The following RBFOX3 variants were observed in gnomAD, a reference collection of about 807,000 sequenced individuals.
RBFOX3 encodes RNA binding protein fox-1 homolog 3.
A neutral mutation model predicts 48.7 loss-of-function variants in RBFOX3; 17 were observed. The ratio of observed to expected loss-of-function variants is 0.35; its 90% CI spans 0.24 to 0.52. RBFOX3 has a LOEUF of 0.52. RBFOX3 is among the 20% of genes least tolerant of loss of function. The probability of loss-of-function intolerance (pLI) is 0.94; values close to 1 mark genes in which losing one functional copy is unlikely to be tolerated. For synonymous variants in RBFOX3, 212 were observed against 209.5 expected (o/e 1.01, Z -0.10); for missense variants, 382 against 497.5 (o/e 0.77, Z 2.21).
chr17:79,359,093 T>C (rs2147223730), intron 2 of RBFOX3, among the ~76,000 whole-genome samples: 1 of 152,276 alleles, frequency 6.6e-6, no homozygotes, highest in East Asian at 1.9e-4. Flanking sequence ...CCTGTAATCC[T>C]CTCTACAACT....
intron 3 of RBFOX3, among the ~76,000 whole-genome samples, chr17:79,271,704 C>T (rs1257312738): frequency 6.6e-6 from 1 of 152,162 alleles, no homozygotes; most frequent in African/African-American, 2.4e-5. Flanking sequence ...GGCAAATCAC[C>T]AGACTTCTCT....
At chr17:79,534,276 C>T (rs1422133430) in intron 1 of RBFOX3, among the ~76,000 whole-genome samples, 2 of 152,214 alleles carry the variant, frequency 1.3e-5, no homozygotes, top group African/African-American at 2.4e-5. Flanking sequence ...CCGGCATCAC[C>T]GTTCAGAAGG....
chr17:79,601,418 G>A (rs1352781230), intron 1 of RBFOX3: 1 of 152,268 alleles, frequency 6.6e-6, no homozygotes, highest in Non-Finnish European at 1.5e-5. Flanking sequence ...GGTCCAGGAG[G>A]TTTAGCCACA....
At chr17:79,548,166 C>T (rs1036778353) in intron 1 of RBFOX3, among the ~76,000 whole-genome samples, 25 of 152,208 alleles carry the variant, frequency 1.6e-4, no homozygotes, top group Non-Finnish European at 3.4e-4. Flanking sequence ...AAAGAAAGGG[C>T]GGCAGGTAGG....
intron 1 of RBFOX3, among the ~76,000 whole-genome samples, chr17:79,521,919 G>A (rs2086166042): frequency 3.3e-5 from 5 of 152,222 alleles, no homozygotes; most frequent in Non-Finnish European, 7.3e-5. Flanking sequence ...CAGTGAAGTG[G>A]ACATGGGAGT....
At chr17:79,556,538 A>T (rs1023958284) in intron 1 of RBFOX3, among the ~76,000 whole-genome samples, 437 of 152,274 alleles carry the variant, frequency 2.9e-3, no homozygotes, top group Middle Eastern at 6.8e-3. Flanking sequence ...CGACAGGAGG[A>T]GGAGCTGTAA....
intron 3 of RBFOX3, among the ~76,000 whole-genome samples, chr17:79,285,414 T>G (rs1322041374): frequency 6.6e-6 from 1 of 152,226 alleles, no homozygotes; most frequent in African/African-American, 2.4e-5. Context: ...TCCTGCTCAT[T>G]TACGTGATAC....
intron 1 of RBFOX3, among the ~76,000 whole-genome samples, chr17:79,553,157 T>A (rs1340356505): frequency 6.6e-6 from 1 of 152,188 alleles, no homozygotes; most frequent in Non-Finnish European, 1.5e-5. Flanking sequence ...AAGTATCAAT[T>A]TATGTTTTGC....
chr17:79,640,311 A>C, the RBFOX3 span, among the ~76,000 whole-genome samples: 1 of 152,206 alleles, frequency 6.6e-6, no homozygotes, highest in Non-Finnish European at 1.5e-5. Context: ...AAGAAAATAG[A>C]CATAAATGAA....
chr17:79,427,847 T>C, intron 2 of RBFOX3, among the ~76,000 whole-genome samples: 1 of 152,254 alleles, frequency 6.6e-6, no homozygotes, highest in Admixed American at 6.5e-5. Flanking sequence ...CATGCACATA[T>C]GCACACATGA....
At chr17:79,200,036 G>A (rs912526346) in intron 4 of RBFOX3, among the ~76,000 whole-genome samples, 3 of 152,110 alleles carry the variant, frequency 2.0e-5, no homozygotes, top group African/African-American at 7.2e-5. Flanking sequence ...GGTGGCACAT[G>A]CCTGTAATCC....
chr17:79,651,813 CTCTG>C, the RBFOX3 span, among the ~76,000 whole-genome samples: 3 of 139,734 alleles, frequency 2.1e-5, no homozygotes, highest in African/African-American at 7.9e-5. Flanking sequence ...CTGTCTTTCT[CTCTG>C]TCTTCTTCCT....
At chr17:79,288,479 C>T (rs71387909) in intron 3 of RBFOX3, among the ~76,000 whole-genome samples, 15 of 150,840 alleles carry the variant, frequency 9.9e-5, no homozygotes, top group South Asian at 2.1e-4. Context: ...TCTCTGCAGC[C>T]CCCCCCAGCC....
intron 1 of RBFOX3, among the ~76,000 whole-genome samples, chr17:79,567,523 A>T (rs1346838689): frequency 6.6e-6 from 1 of 152,122 alleles, no homozygotes; most frequent in Non-Finnish European, 1.5e-5. Flanking sequence ...TTCATTTAAC[A>T]TGACGTCCTC....
In RBFOX3 at chr17:79,482,983, C is replaced by G. The variant is rs1009717263; in HGVS notation, c.-319-385G>C. 6.6e-3 allele frequency among the ~76,000 whole-genome samples: 1,006 copies of G among 152,038 alleles called. 2 individuals carry two copies. The highest frequency in any genetic ancestry group is 0.023 in the African/African-American group (949 of 41,414). ...CCGCCCGCTCTTGCTTCCTCCCCCA[C>G]CCAGCCTAGATTCCAGGACCCACCA... is the stretch of plus-strand genomic sequence containing the variant. On this transcript the variant is annotated intron_variant, in intron 1 of 14. Transcript: ENST00000693108. This position sits in a 1 kb window ranked among gnomAD's most constrained non-coding sequence, Gnocchi z 4.1.
Position 79,450,026 on chromosome 17 carries a change from G to GTCTGT in RBFOX3, c.-175+32423_-175+32427dup, listed in dbSNP as rs1192418981. On this transcript the variant is annotated intron_variant, in intron 2 of 14. Transcript: ENST00000693108. ...AAAAAGCCCAAAATGCAACTAATGGGTCTGTGTGAAGAGGCAGAAAGAGAG... is the reference window on the plus strand; with the variant it reads ...AAAAAGCCCAAAATGCAACTAATGGGTCTGTTCTGTGTGAAGAGGCAGAAAGAGAG... Among the ~76,000 whole-genome samples, 3 of 152,162 alleles carry GTCTGT rather than the reference G, an allele frequency of 2.0e-5. 1 individual carries two copies. Among genetic ancestry groups the GTCTGT allele is most frequent in the Non-Finnish European group, 1.5e-5 (1 of 68,040 alleles).
chr17:79,103,289 G>T lies in RBFOX3; in HGVS notation c.415-35C>A. The stretch of plus-strand genomic sequence containing the variant: ...GAGGAGAGGGAAGGACAGGCACGGA[G>T]AGGAGGACACAGGGCGAGAAAGAGG... On this transcript the variant is annotated intron_variant, in intron 7 of 14. Coordinates refer to ENST00000693108, the MANE Select transcript of RBFOX3 (RefSeq NM_001350451.2). This position sits in a 1 kb window ranked among gnomAD's most constrained non-coding sequence, Gnocchi z 6.1. 1 of 1,444,234 alleles carries T rather than the reference G, an allele frequency of 6.9e-7. No homozygotes were observed. The highest frequency in any genetic ancestry group is 9.5e-7 in the Non-Finnish European group (1 of 1,049,660). 89.5% of individuals were successfully genotyped at this position (1,444,234 alleles called of 1,614,324 possible).
the RBFOX3 span, among the ~76,000 whole-genome samples, chr17:79,649,607 G>A: frequency 6.6e-6 from 1 of 152,216 alleles, no homozygotes; most frequent in South Asian, 2.1e-4. Context: ...TGGGGAGGCT[G>A]ACGCAGGAGA....
intron 2 of RBFOX3, among the ~76,000 whole-genome samples, chr17:79,474,500 C>T (rs891836395): frequency 5.9e-5 from 9 of 152,162 alleles, no homozygotes; most frequent in African/African-American, 1.7e-4. Flanking sequence ...CAGCCCTTAT[C>T]GCTGGGGGAC....
Sources: allele counts gnomAD v4.1 joint callset (sites outside exome capture counted in the v4.1 genomes callset), GRCh38; gene constraint gnomAD v4.1.1; non-coding constraint Gnocchi (gnomAD v3.1); transcripts MANE v1.5; gene names NCBI Gene and HGNC (gene_info 2026-07-23, HGNC 2026-07-21).